The following CCDC32 variants were observed in gnomAD, a reference collection of about 807,000 sequenced individuals.
CCDC32 encodes the protein coiled-coil domain containing 32.
CCDC32 carries 9 observed loss-of-function variants against 20.1 expected under a neutral mutation model. That is an observed-to-expected ratio of 0.45 (90% CI 0.27 to 0.78). The LOEUF (loss-of-function observed/expected upper bound fraction) is 0.78. CCDC32 is among the 30% of genes least tolerant of loss of function. CCDC32 has a pLI of 0.16. For synonymous variants in CCDC32, 63 were observed against 79.0 expected (o/e 0.80, Z 1.07); for missense variants, 204 against 215.5 (o/e 0.95, Z 0.33).
downstream of CCDC32, chr15:40,531,397 A>C (rs1441675169): frequency 2.7e-5 from 4 of 150,526 alleles, no homozygotes; most frequent in African/African-American, 9.8e-5. Context: ...ACCTCGGCTC[A>C]CTGCAACCTC....
rs527687571 is a variant in CCDC32, at chr15:40,546,900, G to A, written c.402-7545C>T. The stretch of plus-strand genomic sequence containing the variant: ...GTATTTTTAGTAGAGATGGGGTTTC[G>A]CCATGTTGACCAGGCTGGTCTGAAA... On this transcript the variant is annotated intron_variant, in intron 3 of 3. Coordinates refer to the CCDC32 transcript ENST00000558113. Among the ~76,000 whole-genome samples the A allele has an allele frequency of 2.6e-4, 40 of 151,414 alleles. 1 individual carries two copies. The highest frequency in any genetic ancestry group is 1.0e-4 in the Non-Finnish European group (7 of 67,784).
At chr15:40,557,429 A>G in intron 2 of CCDC32, 57 bp from the exon 3 acceptor site, 1 of 1,530,362 alleles carries the variant, frequency 6.5e-7, no homozygotes, top group South Asian at 1.3e-5. Flanking sequence ...AATTTTAACT[A>G]AATCTAAAAC....
Position 40,555,841 on chromosome 15 carries a change from C to A in CCDC32, c.401+1375G>T, listed in dbSNP as rs190730323. Among the ~76,000 whole-genome samples the A allele has an allele frequency of 2.0e-3, 309 of 151,912 alleles. 1 individual carries two copies. The highest frequency in any genetic ancestry group is 7.0e-3 in the African/African-American group (288 of 41,434). On this transcript the variant is annotated intron_variant, in intron 3 of 3. Coordinates refer to ENST00000416810, the MANE Select transcript of CCDC32 (RefSeq NM_001080792.4). ...GAAACTCAAGTTAAATCACATTCCC[C>A]TAAGATCTTTTGTTAAAATTCAATT...
chr15:40,553,824 G>T lies in CCDC32; in HGVS notation c.*147C>A. Reference sequence around the variant, plus strand: ...TTTTCTTTGTGGAGTGGAAATTTGGGTTTTTTCCTTCAGTGGATTTCTCCC... The same window carrying T: ...TTTTCTTTGTGGAGTGGAAATTTGGTTTTTTTCCTTCAGTGGATTTCTCCC... On this transcript the variant is annotated 3_prime_UTR_variant, in exon 4 of 4. Coordinates refer to ENST00000416810, the MANE Select transcript of CCDC32 (RefSeq NM_001080792.4). 2.9e-6 allele frequency: 4 copies of T among 1,401,720 alleles called. No individual in the cohort carries two copies. Among genetic ancestry groups the T allele is most frequent in the South Asian group, 3.3e-5 (2 of 59,972 alleles). The allele number at this position is 1,401,720 out of a possible 1,614,324, so 86.8% of individuals were successfully genotyped here.
chr15:40,532,299 T>G (rs1350873648), downstream of CCDC32: 1 of 702,974 alleles, frequency 1.4e-6, no homozygotes, highest in African/African-American at 1.7e-5. Flanking sequence ...GCAATTGTAG[T>G]CACCTGGAAA....
chr15:40,550,386 G>T (rs1477880870), downstream of CCDC32, among the ~76,000 whole-genome samples: 1 of 152,136 alleles, frequency 6.6e-6, no homozygotes, highest in Non-Finnish European at 1.5e-5. Flanking sequence ...GAGTTTTCAG[G>T]GTCAAAGGAA....
At chr15:40,558,834 C>T (rs1890428057) in intron 2 of CCDC32, among the ~76,000 whole-genome samples, 1 of 151,120 alleles carries the variant, frequency 6.6e-6, no homozygotes, top group Non-Finnish European at 1.5e-5. Context: ...GAGTCTCGCT[C>T]TGTCACCCAG....
chr15:40,524,146 C>CTTTT (rs66753325), downstream of CCDC32, among the ~76,000 whole-genome samples: 6 of 89,138 alleles, frequency 6.7e-5, no homozygotes, highest in Admixed American at 4.5e-4. Context: ...CATGCATAAT[C>CTTTT]TTTTTTTTTT....
In CCDC32 at chr15:40,553,546, G is replaced by A. The variant is rs1890013305; in HGVS notation, c.*425C>T. On this transcript the variant is annotated 3_prime_UTR_variant, in exon 4 of 4. Coordinates refer to ENST00000416810, the MANE Select transcript of CCDC32 (RefSeq NM_001080792.4). ...CACCAAGGGAATGCTTGGGACACAA[G>A]CATGAATGTCCGGAAGAGGCAAGAA... The A allele has an allele frequency of 2.0e-6, 2 of 990,792 alleles. No individual in the cohort carries two copies. Among genetic ancestry groups the A allele is most frequent in the Non-Finnish European group, 2.4e-6 (2 of 833,280 alleles). 61.4% of individuals were successfully genotyped at this position (990,792 alleles called of 1,614,324 possible).
chr15:40,540,635 C>CT (rs990398365), intron 3 of CCDC32, among the ~76,000 whole-genome samples: 6 of 152,128 alleles, frequency 3.9e-5, no homozygotes, highest in African/African-American at 1.4e-4. Flanking sequence ...TCCCAAAGTG[C>CT]TGGGATTACA....
At chr15:40,564,651 G>T in intron 1 of CCDC32, 1 of 1,445,252 alleles carries the variant, frequency 6.9e-7, no homozygotes, top group Admixed American at 1.7e-5. Context: ...CGTAAAGGCC[G>T]GAAGTAAAAG....
At chr15:40,535,551 C>T (rs975901785), downstream of CCDC32, 1 of 985,654 alleles carries the variant, frequency 1.0e-6, no homozygotes, top group Non-Finnish European at 1.2e-6. Context: ...TCCTCCTCCA[C>T]TCAGCTTCCT....
intron 3 of CCDC32, among the ~76,000 whole-genome samples, chr15:40,543,315 G>A (rs961542090): frequency 5.9e-5 from 9 of 152,064 alleles, no homozygotes; most frequent in Admixed American, 3.9e-4. Context: ...GTTATACAAA[G>A]GATACTTTCT....
chr15:40,540,370 CTTTT>C (rs869261368), intron 3 of CCDC32, among the ~76,000 whole-genome samples: 1 of 83,026 alleles, frequency 1.2e-5, no homozygotes, highest in South Asian at 3.8e-4. Flanking sequence ...TTTTCTTTTT[CTTTT>C]TTTTTTTTTT....
rs1595891027 is a variant in CCDC32 at position 40,553,939 on chromosome 15, T to C, written c.*32A>G. ...GTGTGTGTGTGTGTGTGTGTGTGTG[T>C]GTGTGTGTGTGTGTGTGTGTGTGTG... is the stretch of plus-strand genomic sequence containing the variant. On this transcript the variant is annotated 3_prime_UTR_variant, in exon 4 of 4. Transcript: ENST00000416810. 1.9e-6 allele frequency: 1 copy of C among 537,240 alleles called. No homozygotes were observed. Among genetic ancestry groups the C allele is most frequent in the East Asian group, 2.8e-5 (1 of 35,902 alleles). The allele number at this position is 537,240 out of a possible 1,614,324, so 33.3% of individuals were successfully genotyped here.
downstream of CCDC32, among the ~76,000 whole-genome samples, chr15:40,552,346 T>G (rs1457212508): frequency 6.6e-6 from 1 of 151,634 alleles, no homozygotes; most frequent in East Asian, 1.9e-4. Flanking sequence ...CCGGGCGTGG[T>G]GGTGCATGCC....
At chr15:40,557,912 A>C (rs1460761727) in intron 2 of CCDC32, 3 of 150,458 alleles carry the variant, frequency 2.0e-5, no homozygotes, top group Non-Finnish European at 4.5e-5. Context: ...TAAAATCTCT[A>C]TGTGTGATTA....
At chr15:40,557,146 T>C in intron 3 of CCDC32, 70 bp downstream of exon 3, 1 of 1,524,576 alleles carries the variant, frequency 6.6e-7, no homozygotes, top group Non-Finnish European at 8.8e-7. Flanking sequence ...AATCTACTGC[T>C]GGGCTAAAAA....
At chr15:40,544,888 T>C (rs1457102978) in intron 3 of CCDC32, among the ~76,000 whole-genome samples, 1 of 152,220 alleles carries the variant, frequency 6.6e-6, no homozygotes, top group East Asian at 1.9e-4. Flanking sequence ...ATCTGTATCA[T>C]GTTTCATACT....
Sources: allele counts gnomAD v4.1 joint callset (sites outside exome capture counted in the v4.1 genomes callset), GRCh38; gene constraint gnomAD v4.1.1; transcripts MANE v1.5; gene names NCBI Gene and HGNC (gene_info 2026-07-23, HGNC 2026-07-21).